The following PCDHA5 variants were observed in gnomAD, a reference collection of about 807,000 sequenced individuals.
The protein encoded by PCDHA5 is protocadherin alpha 5, also known as protocadherin alpha-5.
PCDHA5 carries 43 observed loss-of-function variants against 61.6 expected under a neutral mutation model. That is an observed-to-expected ratio of 0.70 (90% CI 0.55 to 0.90). PCDHA5 has a LOEUF of 0.90. Among genes scored for constraint, PCDHA5 ranks in the 40% least tolerant of loss-of-function variants. PCDHA5 has a pLI of 0.00. For synonymous variants in PCDHA5, 627 were observed against 543.9 expected, an observed-to-expected ratio of 1.15 and a Z score of -2.13; for missense variants, 1,298 against 1,222.7, an observed-to-expected ratio of 1.06 and a Z score of -0.92.
intron 1 of PCDHA5, chr5:140,859,624 G>C (rs11749013): frequency 0.2 from 31,664 of 160,658 alleles, 6,158 homozygotes; most frequent in Middle Eastern, 0.25. Context: ...TTCTCTTTGA[G>C]TATGGAGATT....
intron 1 of PCDHA5, chr5:140,884,197 G>A (rs146010500): frequency 3.1e-6 from 5 of 1,613,234 alleles, no homozygotes; most frequent in Non-Finnish European, 4.2e-6. Context: ...TGGACGCGCC[G>A]CACCACCGCC....
At chr5:140,846,754 A>G (rs1430636894) in intron 1 of PCDHA5, among the ~76,000 whole-genome samples, 1 of 149,442 alleles carries the variant, frequency 6.7e-6, no homozygotes, top group Non-Finnish European at 1.5e-5. Context: ...ACAGATCTCT[A>G]ACAGCATATC....
chr5:140,883,065 C>G, intron 1 of PCDHA5: 1 of 1,614,056 alleles, frequency 6.2e-7, no homozygotes, highest in Non-Finnish European at 8.5e-7. Context: ...AAGCTAAATG[C>G]CACAGATCCT....
intron 3 of PCDHA5, among the ~76,000 whole-genome samples, chr5:141,007,135 C>G (rs1183279253): frequency 2.6e-5 from 4 of 152,074 alleles, no homozygotes; most frequent in Non-Finnish European, 5.9e-5. Context: ...GATGAGGAGA[C>G]TGACAAAGGA....
chr5:140,828,284 A>C (rs2150153622), intron 1 of PCDHA5: 17 of 1,613,938 alleles, frequency 1.1e-5, no homozygotes, highest in East Asian at 4.5e-5. Context: ...GCGCCTGTTC[A>C]GGATGGCCTC....
In PCDHA5 at chr5:140,998,188, AG is replaced by A. The variant is rs375338994; in HGVS notation, c.2501-11438del. On this transcript the variant is annotated intron_variant, in intron 3 of 3. Transcript: ENST00000529859. ...CAAGTATTATTCTAAGCACTTTACAAGTATTAACTCCTTTAATCTGTATAAC... is the reference window on the plus strand; with the variant it reads ...CAAGTATTATTCTAAGCACTTTACAATATTAACTCCTTTAATCTGTATAAC... Among the ~76,000 whole-genome samples, 972 of 152,318 alleles carry A rather than the reference AG, an allele frequency of 6.4e-3. 14 individuals are homozygous for A. Among genetic ancestry groups the A allele is most frequent in the African/African-American group, 0.023 (946 of 41,556 alleles).
chr5:140,920,118 T>A (rs1196076867), intron 1 of PCDHA5, among the ~76,000 whole-genome samples: 1 of 152,164 alleles, frequency 6.6e-6, no homozygotes, highest in Non-Finnish European at 1.5e-5. Context: ...CTTGCCAACA[T>A]CTTGAGTTTT....
intron 1 of PCDHA5, chr5:140,854,171 A>AAAAAC (rs2043016661): frequency 1.5e-5 from 10 of 677,894 alleles, no homozygotes; most frequent in Non-Finnish European, 1.8e-5. Context: ...AAAAAAAAAA[A>AAAAAC]AAAAAGAGTA....
Position 140,823,788 on chromosome 5 carries a change from T to C in PCDHA5, c.2013T>C (p.Ser671=), listed in dbSNP as rs1402074192. The C allele has an allele frequency of 5.0e-6, 8 of 1,613,644 alleles. No homozygotes were observed. Among genetic ancestry groups the C allele is most frequent in the Middle Eastern group, 3.3e-4 (2 of 6,084 alleles). ...TATVLVSLVE[S]GQAPKASSRA... ...CAGTGCTGGTGTCGCTGGTGGAAAGTGGCCAGGCGCCGAAGGCCTCATCGC... is the reference window on the plus strand; with the variant it reads ...CAGTGCTGGTGTCGCTGGTGGAAAGCGGCCAGGCGCCGAAGGCCTCATCGC... The change falls in exon 1 of 4, where the codon AGT becomes AGC. Residue 671 remains serine (S), a synonymous_variant. Transcript: ENST00000529859.
chr5:140,822,177 A>C lies in PCDHA5; in HGVS notation c.402A>C (p.Arg134Ser). 1.2e-6 allele frequency: 2 copies of C among 1,614,280 alleles called. No individual in the cohort carries two copies. The highest frequency in any genetic ancestry group is 1.7e-6 in the Non-Finnish European group (2 of 1,180,044). The change falls in exon 1 of 4, where the codon AGA becomes AGC. Residue 134 changes from arginine to serine, a missense_variant. By Grantham distance (110) the Arg-to-Ser change is moderately radical (BLOSUM62 -1). Transcript: ENST00000529859. The stretch of plus-strand genomic sequence containing the variant: ...ATGACAATCCGCCCAGGTTCTCCAG[A>C]CAAGAACAAAGATTATTCATTTTAG... The part of the protein sequence containing the change: ...DINDNPPRFS[R>S]QEQRLFILES...
chr5:140,848,134 AC>A (rs1781341160), intron 1 of PCDHA5: 1 of 192,738 alleles, frequency 5.2e-6, no homozygotes, highest in South Asian at 1.3e-4. Context: ...GTCATACAAA[AC>A]TTTTAGAGGC....
chr5:140,855,249 C>A (rs910025262), intron 1 of PCDHA5, among the ~76,000 whole-genome samples: 1 of 149,670 alleles, frequency 6.7e-6, no homozygotes, highest in African/African-American at 2.4e-5. Flanking sequence ...ATTGCAAGCA[C>A]TTACTATATT....
chr5:141,004,809 C>A (rs1319049687), intron 3 of PCDHA5, among the ~76,000 whole-genome samples: 1 of 152,144 alleles, frequency 6.6e-6, no homozygotes. Context: ...AGCTCAATTG[C>A]AGATTTGATT....
chr5:140,909,784 C>T (rs1380024637), intron 1 of PCDHA5, among the ~76,000 whole-genome samples: 1 of 152,154 alleles, frequency 6.6e-6, no homozygotes, highest in African/African-American at 2.4e-5. Context: ...TGGACCCACT[C>T]TAAGTCAGAC....
intron 1 of PCDHA5, chr5:140,969,174 G>A (rs777458792): frequency 6.2e-7 from 1 of 1,614,076 alleles, no homozygotes; most frequent in South Asian, 1.1e-5. Flanking sequence ...GGCTCAGGGA[G>A]TGACACTTTC....
At chr5:140,843,795 T>C in intron 1 of PCDHA5, 2 of 1,353,268 alleles carry the variant, frequency 1.5e-6, no homozygotes, top group Non-Finnish European at 2.0e-6. Flanking sequence ...AGATTTAGTT[T>C]TTCACCGTAT....
intron 1 of PCDHA5, chr5:140,928,911 A>G: frequency 6.2e-7 from 1 of 1,614,184 alleles, no homozygotes; most frequent in Non-Finnish European, 8.5e-7. Flanking sequence ...TCTGGGAACC[A>G]GGAGGGCAGC....
At chr5:140,939,603 CAG>C (rs2092419919) in intron 1 of PCDHA5, among the ~76,000 whole-genome samples, 2 of 152,068 alleles carry the variant, frequency 1.3e-5, no homozygotes, top group Non-Finnish European at 2.9e-5. Flanking sequence ...TGCTCAAAAA[CAG>C]AACAAGGAGA....
chr5:140,931,049 A>G (rs1165336064), intron 1 of PCDHA5, among the ~76,000 whole-genome samples: 1 of 152,226 alleles, frequency 6.6e-6, no homozygotes, highest in Non-Finnish European at 1.5e-5. Flanking sequence ...AAAAACTTCA[A>G]TGCTGTGTCT....
Sources: allele counts gnomAD v4.1 joint callset (sites outside exome capture counted in the v4.1 genomes callset), GRCh38; gene constraint gnomAD v4.1.1; transcripts MANE v1.5; gene names NCBI Gene and HGNC (gene_info 2026-07-23, HGNC 2026-07-21).